Variants in PDS5B observed in about 807,000 individuals in gnomAD.
PDS5B encodes the protein PDS5 cohesin associated factor B, also known as sister chromatid cohesion protein PDS5 homolog B.
Under a neutral mutation model 184.1 loss-of-function variants are expected in PDS5B, and 51 were observed. The observed-to-expected ratio is 0.28, with a 90% CI of 0.22 to 0.35. The LOEUF (loss-of-function observed/expected upper bound fraction) is 0.35, where lower values mean the gene tolerates loss of function less well. Ranked by LOEUF, PDS5B falls within the 10% of genes least tolerant of loss-of-function variation. PDS5B has a pLI of 1.00. For missense variants in PDS5B, 1,180 were observed against 1,723.3 expected (o/e 0.68, Z 5.58); for synonymous variants, 566 against 569.2 (o/e 0.99, Z 0.08).
intron 19 of PDS5B, among the ~76,000 whole-genome samples, chr13:32,715,913 G>A (rs1432772060): frequency 2.1e-4 from 32 of 152,104 alleles, no homozygotes; most frequent in African/African-American, 6.0e-4. Flanking sequence ...CGCCAGCCTC[G>A]GCCTCCCGAG....
At chr13:32,615,074 A>T (rs1397973783) in intron 1 of PDS5B, among the ~76,000 whole-genome samples, 2 of 152,188 alleles carry the variant, frequency 1.3e-5, no homozygotes, top group African/African-American at 2.4e-5. Flanking sequence ...GACACCACAG[A>T]ACCACCTCCG....
At position 32,770,303 on chromosome 13, in the gene PDS5B, G is replaced by T. The variant is rs1183622924; in HGVS notation, c.3807G>T (p.Arg1269Ser). ...AACAGCAGTGGCCTGAGGAAAAGAG[G>T]CTCAAAGAAGATATATTAGAAAATG... is the stretch of plus-strand genomic sequence containing the variant. ...SDEQQWPEEK[R>S]LKEDILENED... The change falls in exon 32 of 35, where the codon AGG becomes AGT. Residue 1269 changes from arginine to serine, a missense_variant. Coordinates refer to ENST00000315596, the MANE Select transcript of PDS5B (RefSeq NM_015032.4). 1.1e-5 allele frequency: 18 copies of T among 1,613,692 alleles called. No individual in the cohort carries two copies. Among genetic ancestry groups the T allele is most frequent in the Non-Finnish European group, 1.4e-5 (17 of 1,179,956 alleles).
In PDS5B at chr13:32,676,030, C is replaced by G. The variant is rs958656079; in HGVS notation, c.962+71C>G. 4 of 830,252 alleles carry G rather than the reference C, an allele frequency of 4.8e-6. No individual in the cohort carries two copies. The African/African-American group carries it at 6.7e-5, about 14-fold the overall frequency. 51.4% of individuals were successfully genotyped at this position (830,252 alleles called of 1,614,324 possible). ...TGACCGTTTTTTTAAGAAACATTAT[C>G]CACATTTAAACTGTGTTCTCTGGAA... On this transcript the variant is annotated intron_variant, in intron 9 of 34. Coordinates refer to ENST00000315596, the MANE Select transcript of PDS5B (RefSeq NM_015032.4).
Position 32,651,959 on chromosome 13 carries a change from C to T in PDS5B, c.264C>T (p.Phe88=), listed in dbSNP as rs373812173. ...LLVACCLADI[F]RIYAPEAPYT... ...TAGCCTGCTGCCTTGCTGATATTTTCAGGATTTATGCTCCTGAAGCTCCTT... is the reference window on the plus strand; with the variant it reads ...TAGCCTGCTGCCTTGCTGATATTTTTAGGATTTATGCTCCTGAAGCTCCTT... Residue 88 remains phenylalanine, a synonymous_variant, in exon 3 of 35, where the codon TTC becomes TTT. Transcript: ENST00000315596. 10 of 1,613,698 alleles carry T rather than the reference C, an allele frequency of 6.2e-6. No homozygotes were observed. The highest frequency in any genetic ancestry group is 8.5e-6 in the Non-Finnish European group (10 of 1,179,842).
At chr13:32,670,996 A>G (rs1336485791) in intron 7 of PDS5B, among the ~76,000 whole-genome samples, 1 of 152,268 alleles carries the variant, frequency 6.6e-6, no homozygotes, top group South Asian at 2.1e-4. Flanking sequence ...GTATGTAATT[A>G]GCTACGCTTT....
chr13:32,768,749 A>C (rs1954667416), intron 31 of PDS5B, among the ~76,000 whole-genome samples: 2 of 139,546 alleles, frequency 1.4e-5, no homozygotes, highest in African/African-American at 2.7e-5. Flanking sequence ...GCCAAGATTG[A>C]CCCACTGCAC....
chr13:32,598,770 C>T lies in PDS5B; in HGVS notation c.-20+12177C>T, dbSNP rs376828556. On this transcript the variant is annotated intron_variant, in intron 1 of 34. Coordinates refer to ENST00000315596, the MANE Select transcript of PDS5B (RefSeq NM_015032.4). ...TCTCAGTTGATGGTTTTTTTTCTCT[C>T]TTTTTTTTTTTTTTTTTTGAGACAG... is the stretch of plus-strand genomic sequence containing the variant. 9.7e-4 allele frequency among the ~76,000 whole-genome samples: 122 copies of T among 126,304 alleles called. 1 individual carries two copies. Among genetic ancestry groups the T allele is most frequent in the Middle Eastern group, 4.5e-3 (1 of 224 alleles). 82.9% of individuals were successfully genotyped at this position (126,304 alleles called of 152,430 possible).
intron 20 of PDS5B, among the ~76,000 whole-genome samples, chr13:32,734,751 C>CA (rs771607775): frequency 1.3e-5 from 2 of 152,210 alleles, no homozygotes; most frequent in Non-Finnish European, 2.9e-5. Context: ...GACCAGAACT[C>CA]ATTCATATAT....
chr13:32,657,653 C>G (rs1474847204), intron 3 of PDS5B, among the ~76,000 whole-genome samples: 1 of 151,966 alleles, frequency 6.6e-6, no homozygotes, highest in African/African-American at 2.4e-5. Context: ...TTGCTTTATA[C>G]AAATGTAGAT....
chr13:32,690,876 A>G lies in PDS5B; in HGVS notation c.1469+2307A>G, dbSNP rs1951528404. The G allele has an allele frequency of 2.6e-5, 4 of 152,234 alleles. No individual in the cohort carries two copies. In the South Asian group the frequency reaches 8.3e-4, roughly 32 times the overall value. The allele number at this position is 152,234 out of a possible 1,614,324, so 9.4% of individuals were successfully genotyped here. ...TTTTAAGATAAAATATTTAGGGTAC[A>G]TATATATCATTTTTTAGATGATTTT... On this transcript the variant is annotated intron_variant, in intron 13 of 34. Coordinates refer to ENST00000315596, the MANE Select transcript of PDS5B (RefSeq NM_015032.4).
intron 21 of PDS5B, among the ~76,000 whole-genome samples, chr13:32,735,729 A>AACGAAAAAACATTGGGAGAGG (rs1953307693): frequency 6.6e-6 from 1 of 152,126 alleles, no homozygotes; most frequent in Non-Finnish European, 1.5e-5. Context: ...ATTGGGAGAG[A>AACGAAAAAACATTGGGAGAGG]ACGAAAAAAC....
At chr13:32,604,134 G>A (rs1314288065) in intron 1 of PDS5B, among the ~76,000 whole-genome samples, 1 of 152,186 alleles carries the variant, frequency 6.6e-6, no homozygotes, top group Non-Finnish European at 1.5e-5. Flanking sequence ...TGGTGAGAGA[G>A]GGCATCCCTG....
rs1951581029 is a variant in PDS5B, at chr13:32,692,415, C to CATTTTTTTTT, written c.1470-1808_1470-1807insATTTTTTTTT. On this transcript the variant is annotated intron_variant, in intron 13 of 34. Coordinates refer to ENST00000315596, the MANE Select transcript of PDS5B (RefSeq NM_015032.4). ...TTAAACAAGTTTGCGTCCAAAAAGC[C>CATTTTTTTTT]TTTTTTTTTTTTTTTTTTTTTTTTT... Among the ~76,000 whole-genome samples, 2 of 53,792 alleles carry CATTTTTTTTT rather than the reference C, an allele frequency of 3.7e-5. 1 individual carries two copies. The highest frequency in any genetic ancestry group is 6.6e-5 in the Non-Finnish European group (2 of 30,192). 35.3% of individuals were successfully genotyped at this position (53,792 alleles called of 152,430 possible).
chr13:32,739,467 G>A (rs1300724482), intron 21 of PDS5B, among the ~76,000 whole-genome samples: 1 of 152,120 alleles, frequency 6.6e-6, no homozygotes, highest in Non-Finnish European at 1.5e-5. Flanking sequence ...TGATTGATAA[G>A]GTGAATTATT....
At chr13:32,616,732 T>C (rs2058225793) in intron 1 of PDS5B, among the ~76,000 whole-genome samples, 1 of 152,096 alleles carries the variant, frequency 6.6e-6, no homozygotes, top group Non-Finnish European at 1.5e-5. Context: ...TAAAAAAAAA[T>C]TTGTTTAAGG....
intron 1 of PDS5B, among the ~76,000 whole-genome samples, chr13:32,605,254 A>T (rs1010866154): frequency 2.0e-5 from 3 of 152,128 alleles, no homozygotes; most frequent in Non-Finnish European, 2.9e-5. Context: ...TGTCCCAGAG[A>T]TTCTGGTATG....
At chr13:32,631,006 C>T (rs990308731) in intron 1 of PDS5B, among the ~76,000 whole-genome samples, 13 of 152,020 alleles carry the variant, frequency 8.6e-5, no homozygotes, top group Non-Finnish European at 1.9e-4. Context: ...GTTGGCCAGG[C>T]TGGTCTCGAA....
rs758071016 is a variant in PDS5B, at chr13:32,687,217, T to G, written c.1287T>G (p.Ala429=). 1.2e-6 allele frequency: 2 copies of G among 1,608,926 alleles called. No homozygotes were observed. The highest frequency in any genetic ancestry group is 1.7e-6 in the Non-Finnish European group (2 of 1,177,894). The part of the protein sequence containing the change: ...YALQSAAGKD[A]AKQIAWIKDK... ...TACAGTCAGCAGCTGGAAAAGATGC[T>G]GCAAAACAGATAGCATGGATCAAAG... Residue 429 remains alanine, a synonymous_variant, in exon 12 of 35, where the codon GCT becomes GCG. Coordinates refer to ENST00000315596, the MANE Select transcript of PDS5B (RefSeq NM_015032.4).
At chr13:32,678,258 G>A (rs996939006) in intron 9 of PDS5B, among the ~76,000 whole-genome samples, 2 of 152,148 alleles carry the variant, frequency 1.3e-5, no homozygotes, top group Non-Finnish European at 2.9e-5. Context: ...TAACTTTTTA[G>A]GGATACATAC....
Sources: allele counts gnomAD v4.1 joint callset (sites outside exome capture counted in the v4.1 genomes callset), GRCh38; gene constraint gnomAD v4.1.1; transcripts MANE v1.5; gene names NCBI Gene and HGNC (gene_info 2026-07-23, HGNC 2026-07-21).